AUTS2: variants seen among roughly 807,000 people sequenced by gnomAD.
AUTS2 encodes the protein activator of transcription and developmental regulator AUTS2, also known as autism susceptibility gene 2 protein.
AUTS2 carries 17 observed loss-of-function variants against 112.4 expected under a neutral mutation model. The observed-to-expected ratio is 0.15, with a 90% confidence interval of 0.10 to 0.23. AUTS2 has a LOEUF of 0.23. Among genes scored for constraint, AUTS2 ranks in the 10% least tolerant of loss-of-function variants. The pLI, the probability that AUTS2 is intolerant of heterozygous loss-of-function variation, is 1.00. For synonymous variants in AUTS2, 751 were observed against 702.7 expected (o/e 1.07, Z -1.09); for missense variants, 1,510 against 1,701.6 (o/e 0.89, Z 1.98).
At chr7:70,117,139 T>G (rs992153825) in intron 2 of AUTS2, among the ~76,000 whole-genome samples, 5 of 141,312 alleles carry the variant, frequency 3.5e-5, no homozygotes, top group African/African-American at 5.3e-5. Context: ...TTTTTTTTGT[T>G]TTTTTTTTTG....
chr7:70,755,673 A>G (rs1789153297), intron 6 of AUTS2, among the ~76,000 whole-genome samples: 1 of 152,160 alleles, frequency 6.6e-6, no homozygotes, highest in African/African-American at 2.4e-5. Flanking sequence ...CCATCTCAAA[A>G]AAAAAATTCA....
At chr7:69,836,047 T>A (rs1158243162) in intron 1 of AUTS2, among the ~76,000 whole-genome samples, 1 of 152,224 alleles carries the variant, frequency 6.6e-6, no homozygotes, top group African/African-American at 2.4e-5. Flanking sequence ...TTTCTTCAGT[T>A]GACCATTGGA....
chr7:70,048,819 A>C (rs892668216), intron 2 of AUTS2, among the ~76,000 whole-genome samples: 1 of 152,226 alleles, frequency 6.6e-6, no homozygotes, highest in Non-Finnish European at 1.5e-5. Context: ...TAAAAGAAGA[A>C]AATTTAAAAT....
chr7:69,628,706 A>G (rs1239428800), intron 1 of AUTS2, among the ~76,000 whole-genome samples: 1 of 152,178 alleles, frequency 6.6e-6, no homozygotes, highest in Non-Finnish European at 1.5e-5. Context: ...ACTTTTAAAC[A>G]AGCAGATCTC....
intron 3 of AUTS2, among the ~76,000 whole-genome samples, chr7:70,123,637 A>G (rs556074632): frequency 1.3e-5 from 2 of 152,342 alleles, no homozygotes; most frequent in East Asian, 3.9e-4. Context: ...TGCTGAAGAT[A>G]GTAGCCTCCA....
intron 4 of AUTS2, among the ~76,000 whole-genome samples, chr7:70,229,911 A>G (rs979681584): frequency 2.0e-5 from 3 of 152,118 alleles, no homozygotes; most frequent in Admixed American, 1.3e-4. Flanking sequence ...AATTGGTTCT[A>G]TTTAAGAATT....
chr7:69,809,706 G>A (rs1347780389), intron 1 of AUTS2, among the ~76,000 whole-genome samples: 1 of 152,154 alleles, frequency 6.6e-6, no homozygotes, highest in Non-Finnish European at 1.5e-5. Flanking sequence ...TGTACCCAGA[G>A]TCCATGATCA....
chr7:70,524,814 G>A (rs979068067), intron 5 of AUTS2, among the ~76,000 whole-genome samples: 2 of 152,160 alleles, frequency 1.3e-5, no homozygotes, highest in Admixed American at 6.5e-5. Flanking sequence ...AATATATGCT[G>A]TCTGCAAGAC....
intron 5 of AUTS2, among the ~76,000 whole-genome samples, chr7:70,560,806 C>T (rs373808204): frequency 1.3e-5 from 2 of 152,248 alleles, no homozygotes; most frequent in South Asian, 2.1e-4. Context: ...TGATTGAGGA[C>T]TGAAACAACG....
intron 6 of AUTS2, among the ~76,000 whole-genome samples, chr7:70,710,587 G>A (rs74564236): frequency 2.2e-3 from 337 of 152,322 alleles, no homozygotes; most frequent in African/African-American, 7.9e-3. Flanking sequence ...AATTCGATGC[G>A]CAGTCTTCTT....
Position 70,059,957 on chromosome 7 carries a change from G to GT in AUTS2, c.523-58172dup, listed in dbSNP as rs367850265. 5.6e-4 allele frequency among the ~76,000 whole-genome samples: 86 copies of GT among 152,266 alleles called. 2 individuals are homozygous for GT. Among genetic ancestry groups the GT allele is most frequent in the African/African-American group, 2.1e-3 (86 of 41,556 alleles). ...CATTTATTAAACAGTACTTTTTACA[G>GT]TTTAATTGTTCACCACTTTAGACTA... On this transcript the variant is annotated intron_variant, in intron 2 of 18. Transcript: ENST00000342771.
chr7:70,061,034 C>T (rs1257280967), intron 2 of AUTS2, among the ~76,000 whole-genome samples: 4 of 152,100 alleles, frequency 2.6e-5, no homozygotes, highest in African/African-American at 4.8e-5. Flanking sequence ...TTATTTTCAG[C>T]GGTAAAATGA....
chr7:70,353,997 T>C (rs1362620603), intron 4 of AUTS2, among the ~76,000 whole-genome samples: 1 of 152,242 alleles, frequency 6.6e-6, no homozygotes, highest in Non-Finnish European at 1.5e-5. Context: ...TTATTAGTTA[T>C]CAAAAATCAA....
intron 4 of AUTS2, among the ~76,000 whole-genome samples, chr7:70,254,006 G>C (rs1661163034): frequency 6.6e-6 from 1 of 152,052 alleles, no homozygotes; most frequent in African/African-American, 2.4e-5. Flanking sequence ...ATTCATAAGA[G>C]GAAACAAAAA....
intron 6 of AUTS2, among the ~76,000 whole-genome samples, chr7:70,760,093 C>T (rs1310787029): frequency 2.6e-5 from 4 of 151,898 alleles, no homozygotes; most frequent in South Asian, 2.1e-4. Flanking sequence ...GCAACCTCTG[C>T]CTCCCAGGTT....
chr7:69,794,271 C>T (rs1789743265), intron 1 of AUTS2, among the ~76,000 whole-genome samples: 1 of 152,104 alleles, frequency 6.6e-6, no homozygotes, highest in South Asian at 2.1e-4. Context: ...TGGCATCTGT[C>T]CTATAGCACT....
intron 5 of AUTS2, among the ~76,000 whole-genome samples, chr7:70,667,400 C>T (rs899905801): frequency 6.6e-6 from 1 of 152,186 alleles, no homozygotes; most frequent in African/African-American, 2.4e-5. Context: ...ATAAAGAAAT[C>T]TCTCACTGGG....
At chr7:69,886,763 T>G (rs1054989662) in intron 1 of AUTS2, among the ~76,000 whole-genome samples, 2 of 129,774 alleles carry the variant, frequency 1.5e-5, no homozygotes, top group African/African-American at 2.9e-5. Context: ...TTTGACTTCT[T>G]TGTGTGTGTG....
At chr7:70,534,397 TTTGTTTG>T (rs1294906089) in intron 5 of AUTS2, among the ~76,000 whole-genome samples, 4 of 14,818 alleles carry the variant, frequency 2.7e-4, no homozygotes, top group African/African-American at 2.0e-3. Context: ...GGAATATGAA[TTTGTTTG>T]TTTGTTTGTT....
Sources: gnomAD v4.1 joint callset for allele counts (sites outside exome capture counted in the v4.1 genomes callset) on GRCh38, gnomAD v4.1.1 for gene constraint, MANE v1.5 for transcripts, NCBI Gene and HGNC (gene_info 2026-07-23, HGNC 2026-07-21) for gene names.